Variants in WDR4 observed in about 807,000 individuals in gnomAD.
WDR4 encodes the protein tRNA (guanine-N(7)-)-methyltransferase non-catalytic subunit WDR4.
A neutral mutation model predicts 48.6 loss-of-function variants in WDR4; 47 were observed. The observed-to-expected ratio is 0.97, with a 90% CI of 0.77 to 1.23. The LOEUF is 1.23. Among genes scored for constraint, WDR4 ranks in the 50% most tolerant of loss-of-function variants. The probability of loss-of-function intolerance (pLI) is 0.00; values close to 1 mark genes in which losing one functional copy is unlikely to be tolerated. For missense variants in WDR4, 606 were observed against 551.6 expected (o/e 1.10, Z -0.99); for synonymous variants, 268 against 230.0 (o/e 1.17, Z -1.49).
chr21:42,850,723 G>A (rs535551680), intron 10 of WDR4, among the ~76,000 whole-genome samples: 1 of 152,174 alleles, frequency 6.6e-6, no homozygotes, highest in Non-Finnish European at 1.5e-5. Context: ...AGCTGAGTCC[G>A]GACCCCTGAC....
At chr21:42,873,527 G>A in intron 3 of WDR4, 24 bp downstream of exon 3, 1 of 1,613,288 alleles carries the variant, frequency 6.2e-7, no homozygotes, top group South Asian at 1.1e-5. Context: ...GACATCTTAA[G>A]AATCCAGCGT....
chr21:42,854,431 G>A (rs2057929021), intron 8 of WDR4, 131 bp downstream of exon 8: 1 of 846,440 alleles, frequency 1.2e-6, no homozygotes, highest in Middle Eastern at 3.7e-4. Flanking sequence ...ATTCTCAGAG[G>A]GAGGTGCTAG....
rs2057774714 is a variant in WDR4 at position 42,849,929 on chromosome 21, C to T, written c.*120G>A. On this transcript the variant is annotated 3_prime_UTR_variant, in exon 11 of 11. Transcript: ENST00000398208. ...CTAGAGCCCAGGGGACAGCCCCATC[C>T]TCTGAGCTGGTCACAACTGATGTCA... The T allele has an allele frequency of 7.9e-7, 1 of 1,272,614 alleles. No homozygotes were observed. The highest frequency in any genetic ancestry group is 1.5e-5 in the African/African-American group (1 of 66,668). The allele number at this position is 1,272,614 out of a possible 1,614,324, so 78.8% of individuals were successfully genotyped here. A position where few individuals can be genotyped will look rare whatever the true frequency, so the allele number is the denominator to read the frequency against.
At chr21:42,843,234 G>C (rs1321333731) in exon 12 of WDR4, 1 of 152,100 alleles carries the variant, frequency 6.6e-6, no homozygotes, top group East Asian at 1.9e-4. Context: ...TCGCACGCAA[G>C]TGGTCCACGG....
chr21:42,848,088 C>A (rs1274588636), downstream of WDR4, among the ~76,000 whole-genome samples: 4 of 152,192 alleles, frequency 2.6e-5, no homozygotes, highest in African/African-American at 9.7e-5. Flanking sequence ...GAAAACAAGG[C>A]ACTTATGAAA....
At chr21:42,856,897 AAAAGATGTTTAAT>A (rs1374105472) in intron 6 of WDR4, among the ~76,000 whole-genome samples, 24 of 152,304 alleles carry the variant, frequency 1.6e-4, no homozygotes, top group Admixed American at 6.5e-4. Context: ...GAAGACAAGA[AAAAGATGTTTAAT>A]AACCATGAAC....
chr21:42,866,902 T>C (rs570741487), intron 3 of WDR4, among the ~76,000 whole-genome samples: 6 of 152,250 alleles, frequency 3.9e-5, no homozygotes, highest in African/African-American at 1.4e-4. Context: ...GTACCCACTG[T>C]CCTGCAGTTC....
chr21:42,888,829 T>A, the WDR4 span, among the ~76,000 whole-genome samples: 7 of 151,464 alleles, frequency 4.6e-5, no homozygotes, highest in Non-Finnish European at 1.0e-4. Context: ...GCCTCCCGAG[T>A]AGCTGGGATT....
At chr21:42,855,633 C>T (rs1360003802) in intron 7 of WDR4, 49 bp downstream of exon 7, 3 of 1,388,706 alleles carry the variant, frequency 2.2e-6, no homozygotes, top group South Asian at 1.4e-5. Context: ...CAGGCGACTG[C>T]CGGTGTCTAC....
At chr21:42,869,009 CG>C (rs562006424) in intron 3 of WDR4, among the ~76,000 whole-genome samples, 5 of 152,074 alleles carry the variant, frequency 3.3e-5, no homozygotes, top group African/African-American at 1.2e-4. Flanking sequence ...ACTGCCCTGG[CG>C]GGGGGGAACA....
Position 42,852,323 on chromosome 21 carries a change from G to A in WDR4, c.977C>T (p.Ser326Phe). The A allele has an allele frequency of 1.2e-6, 2 of 1,613,976 alleles. No homozygotes were observed. Among genetic ancestry groups the A allele is most frequent in the South Asian group, 2.2e-5 (2 of 91,014 alleles). The change falls in exon 10 of 11, where the codon TCT (serine) becomes TTT (phenylalanine). Residue 326 changes from serine to phenylalanine, a missense_variant and splice_region_variant. By Grantham distance (155) the Ser-to-Phe change is radical (BLOSUM62 -2). Coordinates refer to ENST00000398208, the MANE Select transcript of WDR4 (RefSeq NM_018669.6). ...CTTTAACACGGTGCTCTCAGGAACA[G>A]ACTGCAGGCGACAAACAGGAAATCT... is the stretch of plus-strand genomic sequence containing the variant. Reference protein sequence around the residue: ...LYRPVGDQWQSVPESTVLKKV... With the variant: ...LYRPVGDQWQFVPESTVLKKV...
intron 3 of WDR4, among the ~76,000 whole-genome samples, chr21:42,866,152 C>G (rs558961868): frequency 2.0e-5 from 3 of 152,294 alleles, no homozygotes; most frequent in African/African-American, 7.2e-5. Flanking sequence ...CAATGTATCA[C>G]TCGTCACCCT....
At chr21:42,891,451 A>G in the WDR4 span, among the ~76,000 whole-genome samples, 25 of 151,902 alleles carry the variant, frequency 1.6e-4, no homozygotes, top group African/African-American at 6.0e-4. Context: ...GAGTGTTGCA[A>G]CTCCAGCAAG....
chr21:42,886,288 A>G, the WDR4 span, among the ~76,000 whole-genome samples: 1 of 152,134 alleles, frequency 6.6e-6, no homozygotes, highest in Non-Finnish European at 1.5e-5. Flanking sequence ...CACGTTTACA[A>G]TATTTAGGAG....
chr21:42,879,418 G>A lies in WDR4; in HGVS notation c.78C>T (p.Ser26=), dbSNP rs1184933569. The A allele has an allele frequency of 1.2e-6, 2 of 1,613,844 alleles. No individual in the cohort carries two copies. The highest frequency in any genetic ancestry group is 8.5e-7 in the Non-Finnish European group (1 of 1,179,882). ...CAAGGCCCCCTCACCTGCTTGCTAT[G>A]GAGGTGGCCAGGAATCGGCTGCCGC... ...VRGGSRFLAT[S]IASSDDDSLF... is the part of the protein sequence containing the mutation. Residue 26 remains serine, a synonymous_variant, in exon 1 of 11, where the codon TCC becomes TCT. Transcript: ENST00000398208.
At chr21:42,848,468 C>G (rs1162402072), downstream of WDR4, among the ~76,000 whole-genome samples, 3 of 80,848 alleles carry the variant, frequency 3.7e-5, no homozygotes, top group South Asian at 3.8e-4. Context: ...CGCACGATCA[C>G]GCGGCGCACA....
At chr21:42,850,355 G>A in intron 10 of WDR4, 113 bp from the exon 11 acceptor site, 4 of 972,276 alleles carry the variant, frequency 4.1e-6, no homozygotes, top group East Asian at 2.9e-5. Context: ...AGTCCTCGGT[G>A]GACCGTGGGG....
chr21:42,877,472 TAAA>T (rs34300654), intron 1 of WDR4, among the ~76,000 whole-genome samples: 8 of 133,986 alleles, frequency 6.0e-5, no homozygotes, highest in Non-Finnish European at 6.4e-5. Flanking sequence ...AGCACTTTGT[TAAA>T]AAAAAAAAAA....
At chr21:42,889,489 T>C in the WDR4 span, among the ~76,000 whole-genome samples, 1 of 152,170 alleles carries the variant, frequency 6.6e-6, no homozygotes, top group Non-Finnish European at 1.5e-5. Context: ...CAACTTCCTC[T>C]GGCGATTTCC....
Sources: gnomAD v4.1 joint callset for allele counts (sites outside exome capture counted in the v4.1 genomes callset) on GRCh38, gnomAD v4.1.1 for gene constraint, MANE v1.5 for transcripts, NCBI Gene and HGNC (gene_info 2026-07-23, HGNC 2026-07-21) for gene names.